MTUS1: variants seen among roughly 807,000 people sequenced by gnomAD.
The protein encoded by MTUS1 is microtubule-associated tumor suppressor 1.
In MTUS1, 109 loss-of-function variants were observed where a neutral mutation model predicts 120.8. The observed-to-expected ratio is 0.90, with a 90% confidence interval of 0.77 to 1.06. The LOEUF (loss-of-function observed/expected upper bound fraction) is 1.06, where lower values mean the gene tolerates loss of function less well. Among genes scored for constraint, MTUS1 ranks in the 50% least tolerant of loss-of-function variants. The probability of loss-of-function intolerance (pLI) is 0.00; values close to 1 mark genes in which losing one functional copy is unlikely to be tolerated. For missense variants in MTUS1, 2,210 were observed against 1,486.3 expected (o/e 1.49, Z -8.01); for synonymous variants, 737 against 550.5 (o/e 1.34, Z -4.74).
chr8:17,789,213 G>T (rs1423110377), intron 1 of MTUS1, among the ~76,000 whole-genome samples: 1 of 152,060 alleles, frequency 6.6e-6, no homozygotes, highest in Non-Finnish European at 1.5e-5. Flanking sequence ...TGTAATTTTA[G>T]TAGATACAGG....
intron 1 of MTUS1, among the ~76,000 whole-genome samples, chr8:17,787,369 C>A (rs556964689): frequency 2.6e-5 from 4 of 152,226 alleles, no homozygotes; most frequent in African/African-American, 9.6e-5. Context: ...AGATGCTAAA[C>A]CTGATGTTTC....
At chr8:17,661,032 C>G (rs1047669817) in intron 8 of MTUS1, among the ~76,000 whole-genome samples, 3 of 152,196 alleles carry the variant, frequency 2.0e-5, no homozygotes, top group African/African-American at 7.2e-5. Flanking sequence ...ATGGTCTTGA[C>G]TGCTGGAGAA....
intron 3 of MTUS1, among the ~76,000 whole-genome samples, chr8:17,730,576 G>T (rs766781621): frequency 6.6e-6 from 1 of 151,620 alleles, no homozygotes; most frequent in Non-Finnish European, 1.5e-5. Context: ...CCAAAATGTG[G>T]AAGCAACCCT....
At chr8:17,760,003 G>A (rs1461244688) in intron 1 of MTUS1, among the ~76,000 whole-genome samples, 2 of 150,680 alleles carry the variant, frequency 1.3e-5, no homozygotes, top group African/African-American at 4.9e-5. Context: ...GAGCCCAGGA[G>A]TTCAAGACTA....
intron 6 of MTUS1, among the ~76,000 whole-genome samples, chr8:17,712,106 C>A (rs990154614): frequency 2.0e-5 from 3 of 152,118 alleles, no homozygotes; most frequent in African/African-American, 7.2e-5. Context: ...ATGTAACACA[C>A]AGACATGAAG....
intron 1 of MTUS1, among the ~76,000 whole-genome samples, chr8:17,758,920 C>T (rs182029470): frequency 0.017 from 2,650 of 152,290 alleles, 35 homozygotes; most frequent in South Asian, 0.066. Flanking sequence ...CTGGCACTGT[C>T]GCCCGGGCTG....
intron 5 of MTUS1, among the ~76,000 whole-genome samples, chr8:17,714,749 T>C (rs1200407664): frequency 2.6e-5 from 4 of 152,198 alleles, no homozygotes; most frequent in Non-Finnish European, 5.9e-5. Flanking sequence ...AATTGCTGGT[T>C]GACAGAATTA....
At chr8:17,764,778 G>C (rs1293859427) in intron 1 of MTUS1, among the ~76,000 whole-genome samples, 1 of 152,214 alleles carries the variant, frequency 6.6e-6, no homozygotes, top group Non-Finnish European at 1.5e-5. Context: ...CTTGGCCGTG[G>C]ACTGTAGCTT....
chr8:17,780,658 G>T (rs889069120), intron 1 of MTUS1, among the ~76,000 whole-genome samples: 3 of 152,110 alleles, frequency 2.0e-5, no homozygotes. Flanking sequence ...TATTATCCCA[G>T]GTCCAAGCCA....
At chr8:17,788,072 G>C (rs1255205036) in intron 1 of MTUS1, among the ~76,000 whole-genome samples, 2 of 152,100 alleles carry the variant, frequency 1.3e-5, no homozygotes, top group African/African-American at 4.8e-5. Context: ...AGTGAGCCGA[G>C]ATCGTGCCCT....
At chr8:17,761,520 A>C (rs964892126) in intron 1 of MTUS1, among the ~76,000 whole-genome samples, 2 of 152,184 alleles carry the variant, frequency 1.3e-5, no homozygotes, top group African/African-American at 4.8e-5. Flanking sequence ...TGTGTGCCTT[A>C]TTTCACCAAC....
intron 8 of MTUS1, among the ~76,000 whole-genome samples, chr8:17,671,658 A>G (rs17125065): frequency 0.019 from 2,895 of 152,346 alleles, 80 homozygotes; most frequent in African/African-American, 0.065. Flanking sequence ...TGGAAAGCAC[A>G]GACTCTACCT....
intron 8 of MTUS1, among the ~76,000 whole-genome samples, chr8:17,664,539 A>C (rs1341458183): frequency 4.2e-5 from 6 of 141,348 alleles, no homozygotes; most frequent in South Asian, 2.3e-4. Flanking sequence ...TGGGCCCCTC[A>C]CTCTCTCTTG....
intron 6 of MTUS1, among the ~76,000 whole-genome samples, chr8:17,710,652 T>C (rs1821096974): frequency 6.6e-6 from 1 of 152,192 alleles, no homozygotes; most frequent in South Asian, 2.1e-4. Flanking sequence ...CCTCCTCCCA[T>C]GAATCACGAA....
At chr8:17,724,019 A>G (rs1396060942) in intron 3 of MTUS1, 186 bp from the exon 4 acceptor site, 9 of 583,002 alleles carry the variant, frequency 1.5e-5, no homozygotes, top group Non-Finnish European at 2.1e-5. Flanking sequence ...TTGATCATTT[A>G]GAGGCAAGAG....
intron 1 of MTUS1, among the ~76,000 whole-genome samples, chr8:17,795,471 A>G (rs1350340285): frequency 6.6e-6 from 1 of 152,242 alleles, no homozygotes; most frequent in Non-Finnish European, 1.5e-5. Context: ...TTAATGGTTT[A>G]AAAACCTCTT....
intron 4 of MTUS1, among the ~76,000 whole-genome samples, chr8:17,719,163 C>G (rs1326438844): frequency 1.3e-5 from 2 of 151,980 alleles, no homozygotes; most frequent in East Asian, 1.9e-4. Context: ...GAGTGAGACT[C>G]TGTCTCAAAA....
At position 17,753,998 on chromosome 8, in the gene MTUS1, T is replaced by C. The variant is rs772866980; in HGVS notation, c.1810A>G (p.Thr604Ala). The C allele has an allele frequency of 1.7e-5, 27 of 1,614,106 alleles. No homozygotes were observed. The highest frequency in any genetic ancestry group is 2.3e-5 in the Non-Finnish European group (27 of 1,180,048). Reference protein sequence around the residue: ...SKNASHRVPRTTSAVKSNQED... With the variant: ...SKNASHRVPRATSAVKSNQED... ...TGATTCGATTTCACGGCAGATGTTG[T>C]TCTTGGAACCCTGTGTGAAGCATTT... Residue 604 changes from threonine (T) to alanine (A), a missense_variant, in exon 2 of 15, where the codon ACA (threonine) becomes GCA (alanine). Thr to Ala is a moderately conservative substitution (Grantham distance 58, BLOSUM62 0). Coordinates refer to ENST00000693296, the MANE Select transcript of MTUS1 (RefSeq NM_001363059.2).
At chr8:17,648,027 T>G (rs897736845) in intron 13 of MTUS1, among the ~76,000 whole-genome samples, 1 of 152,160 alleles carries the variant, frequency 6.6e-6, no homozygotes, top group African/African-American at 2.4e-5. Context: ...CGTTCAGTAA[T>G]TATGAAGGAT....
Sources: gnomAD v4.1 joint callset for allele counts (sites outside exome capture counted in the v4.1 genomes callset) on GRCh38, gnomAD v4.1.1 for gene constraint, MANE v1.5 for transcripts, NCBI Gene and HGNC (gene_info 2026-07-23, HGNC 2026-07-21) for gene names.